MAGI2: variants seen among roughly 807,000 people sequenced by gnomAD.
MAGI2 encodes the protein membrane-associated guanylate kinase, WW and PDZ domain-containing protein 2.
In MAGI2, 35 loss-of-function variants were observed where a neutral mutation model predicts 133.3. That is an observed-to-expected ratio of 0.26 (90% CI 0.20 to 0.35). MAGI2 has a LOEUF of 0.35. Among genes scored for constraint, MAGI2 ranks in the 10% least tolerant of loss-of-function variants. MAGI2 has a pLI of 1.00. For missense variants in MAGI2, 1,636 were observed against 1,863.4 expected (o/e 0.88, Z 2.25); for synonymous variants, 729 against 710.6 (o/e 1.03, Z -0.41).
chr7:79,089,281 G>C (rs13429820), intron 1 of MAGI2, among the ~76,000 whole-genome samples: 5 of 151,976 alleles, frequency 3.3e-5, no homozygotes, highest in African/African-American at 1.2e-4. Context: ...TTAAAATGGT[G>C]ATCATTAGAA....
At chr7:78,324,231 AG>A (rs1158558737) in intron 9 of MAGI2, among the ~76,000 whole-genome samples, 3 of 149,192 alleles carry the variant, frequency 2.0e-5, no homozygotes, top group Non-Finnish European at 3.0e-5. Flanking sequence ...AGCCTGACTG[AG>A]GGGGAAAAAA....
At chr7:78,941,522 T>C (rs1329053988) in intron 2 of MAGI2, among the ~76,000 whole-genome samples, 1 of 152,080 alleles carries the variant, frequency 6.6e-6, no homozygotes, top group East Asian at 1.9e-4. Flanking sequence ...TTTTAGTATA[T>C]ACAGGGTTTT....
rs1246097858 is a variant in MAGI2, at chr7:79,163,607, T to C, written c.302-156401A>G. The stretch of plus-strand genomic sequence containing the variant: ...TTGTTGAATTCTGATTTAATGCTGG[T>C]CCTACAATCCTCAAATAAGATTTAT... On this transcript the variant is annotated intron_variant, in intron 1 of 21. Coordinates refer to ENST00000354212, the MANE Select transcript of MAGI2 (RefSeq NM_012301.4). 2.6e-5 allele frequency among the ~76,000 whole-genome samples: 4 copies of C among 152,062 alleles called. No individual in the cohort carries two copies. In the East Asian group the frequency reaches 7.8e-4, roughly 30 times the overall value.
chr7:78,378,460 T>C (rs1358403123), intron 6 of MAGI2, among the ~76,000 whole-genome samples: 3 of 152,014 alleles, frequency 2.0e-5, no homozygotes, highest in Non-Finnish European at 4.4e-5. Context: ...AGTAAGACAT[T>C]AGACTTTAAA....
chr7:78,476,806 C>CTT (rs563022747), intron 6 of MAGI2, among the ~76,000 whole-genome samples: 257 of 151,796 alleles, frequency 1.7e-3, no homozygotes, highest in Non-Finnish European at 2.4e-3. Context: ...ATTCCAGACA[C>CTT]TTTGAGAAGC....
At position 79,231,587 on chromosome 7, in the gene MAGI2, C is replaced by T. The variant is rs1193711300; in HGVS notation, c.301+221433G>A. Among the ~76,000 whole-genome samples the T allele has an allele frequency of 2.2e-4, 22 of 99,074 alleles. No homozygotes were observed. The East Asian group carries it at 5.1e-3, about 23-fold the overall frequency. The allele number at this position is 99,074 out of a possible 152,430, so 65.0% of individuals were successfully genotyped here. A position where few individuals can be genotyped will look rare whatever the true frequency, so the allele number is the denominator to read the frequency against. ...ATGGGAGTTCACTCATGATTTGGCT[C>T]TCTGTTTGTCTGTTGTCGGTGTATA... On this transcript the variant is annotated intron_variant, in intron 1 of 21. Coordinates refer to ENST00000354212, the MANE Select transcript of MAGI2 (RefSeq NM_012301.4).
chr7:78,183,111 T>C (rs1050044987), intron 13 of MAGI2, among the ~76,000 whole-genome samples: 2 of 152,214 alleles, frequency 1.3e-5, no homozygotes, highest in Non-Finnish European at 2.9e-5. Context: ...TTTGCCTCTG[T>C]ACCTAAGGAT....
At position 78,946,436 on chromosome 7, in the gene MAGI2, C is replaced by T. The variant is rs546550163; in HGVS notation, c.418+60654G>A. On this transcript the variant is annotated intron_variant, in intron 2 of 21. Coordinates refer to ENST00000354212, the MANE Select transcript of MAGI2 (RefSeq NM_012301.4). Reference sequence around the variant, plus strand: ...ATTGCAAAGAAGAAATGAATAATTGCAAGGTCTAAAACATAGTTCACCATT... The same window carrying T: ...ATTGCAAAGAAGAAATGAATAATTGTAAGGTCTAAAACATAGTTCACCATT... Among the ~76,000 whole-genome samples, 9 of 152,250 alleles carry T rather than the reference C, an allele frequency of 5.9e-5. No individual in the cohort carries two copies. The South Asian group carries it at 1.9e-3, about 32-fold the overall frequency.
Position 79,267,540 on chromosome 7 carries a change from A to G in MAGI2, c.301+185480T>C, listed in dbSNP as rs147927950. On this transcript the variant is annotated intron_variant, in intron 1 of 21. Transcript: ENST00000354212. ...GTTAGCCATGAAAGTTTATAATAGA[A>G]CTTGTCTATGTTGCCAATAGTTTAC... 4.2e-4 allele frequency among the ~76,000 whole-genome samples: 64 copies of G among 152,136 alleles called. No homozygotes were observed. In the East Asian group the frequency reaches 0.012, roughly 28 times the overall value.
Position 79,439,871 on chromosome 7 carries a change from C to A in MAGI2, c.301+13149G>T, listed in dbSNP as rs556900866. 3.5e-4 allele frequency among the ~76,000 whole-genome samples: 53 copies of A among 152,254 alleles called. 1 individual carries two copies. In the South Asian group the frequency reaches 8.9e-3, roughly 26 times the overall value. ...AACAATTATCCATTACCCCTTACTA[C>A]TAAGCAAGTTTCTTGAGGAGTGGTA... is the stretch of plus-strand genomic sequence containing the variant. On this transcript the variant is annotated intron_variant, in intron 1 of 21. Transcript: ENST00000354212.
intron 4 of MAGI2, among the ~76,000 whole-genome samples, chr7:78,510,618 A>C (rs1049140243): frequency 6.6e-6 from 1 of 152,230 alleles, no homozygotes; most frequent in African/African-American, 2.4e-5. Flanking sequence ...CTTCTTTAAA[A>C]GGTGTTTGCA....
intron 1 of MAGI2, among the ~76,000 whole-genome samples, chr7:79,387,675 A>G (rs532612054): frequency 6.6e-6 from 1 of 152,158 alleles, no homozygotes; most frequent in African/African-American, 2.4e-5. Flanking sequence ...TTAATTATCA[A>G]CTTGGACTTT....
intron 1 of MAGI2, among the ~76,000 whole-genome samples, chr7:79,256,126 G>C (rs556265487): frequency 6.6e-6 from 1 of 152,302 alleles, no homozygotes; most frequent in South Asian, 2.1e-4. Context: ...CACCCAAAGA[G>C]AGTAGAAAAC....
intron 1 of MAGI2, among the ~76,000 whole-genome samples, chr7:79,285,510 T>C (rs1835936341): frequency 6.6e-6 from 1 of 152,132 alleles, no homozygotes; most frequent in African/African-American, 2.4e-5. Flanking sequence ...AAACACCTTG[T>C]CAGAATCTGC....
intron 6 of MAGI2, among the ~76,000 whole-genome samples, chr7:78,432,519 C>T (rs1443334515): frequency 6.6e-6 from 1 of 151,400 alleles, no homozygotes; most frequent in Non-Finnish European, 1.5e-5. Context: ...ACGTGTCTTT[C>T]TTCGTTGTTG....
At chr7:78,846,271 T>C (rs1413579055) in intron 2 of MAGI2, among the ~76,000 whole-genome samples, 1 of 152,016 alleles carries the variant, frequency 6.6e-6, no homozygotes, top group Non-Finnish European at 1.5e-5. Context: ...TGGAAACAAA[T>C]ATGCCTTTTT....
In MAGI2 at chr7:78,385,989, C is replaced by A. The variant is rs1019277944; in HGVS notation, c.1046-16776G>T. Among the ~76,000 whole-genome samples the A allele has an allele frequency of 1.0e-4, 4 of 38,598 alleles. No homozygotes were observed. In the African/African-American group the frequency reaches 1.1e-3, roughly 10 times the overall value. The allele number at this position is 38,598 out of a possible 152,430, so 25.3% of individuals were successfully genotyped here. A position where few individuals can be genotyped will look rare whatever the true frequency, so the allele number is the denominator to read the frequency against. ...CCTAATTTTCCTGATTCAAACAGAG[C>A]AAAACTTCCCCCCCTAGCTCAAACA... On this transcript the variant is annotated intron_variant, in intron 6 of 21. Coordinates refer to ENST00000354212, the MANE Select transcript of MAGI2 (RefSeq NM_012301.4).
At chr7:78,744,970 G>A (rs752483924) in intron 2 of MAGI2, among the ~76,000 whole-genome samples, 5 of 152,252 alleles carry the variant, frequency 3.3e-5, no homozygotes, top group Admixed American at 6.5e-5. Context: ...AGCTGACTAT[G>A]TACCAGGATG....
chr7:78,932,762 G>T (rs1484871876), intron 2 of MAGI2, among the ~76,000 whole-genome samples: 1 of 152,142 alleles, frequency 6.6e-6, no homozygotes, highest in East Asian at 1.9e-4. Context: ...TGATCATGAA[G>T]TAGTGGAGAA....
Sources: allele counts gnomAD v4.1 joint callset (sites outside exome capture counted in the v4.1 genomes callset), GRCh38; gene constraint gnomAD v4.1.1; transcripts MANE v1.5; gene names NCBI Gene and HGNC (gene_info 2026-07-23, HGNC 2026-07-21).